The following RTN4RL1 variants were observed in gnomAD, a reference collection of about 807,000 sequenced individuals.
RTN4RL1 encodes the protein reticulon 4 receptor like 1.
RTN4RL1 carries 7 observed loss-of-function variants against 25.6 expected under a neutral mutation model. The observed-to-expected ratio is 0.27, with a 90% CI of 0.16 to 0.51. The LOEUF (loss-of-function observed/expected upper bound fraction) is 0.51. Ranked by LOEUF, RTN4RL1 falls within the 20% of genes least tolerant of loss-of-function variation. RTN4RL1 has a pLI of 0.97. For synonymous variants in RTN4RL1, 297 were observed against 288.2 expected, an observed-to-expected ratio of 1.03 and a Z score of -0.31; for missense variants, 500 against 615.6, an observed-to-expected ratio of 0.81 and a Z score of 1.99.
intron 1 of RTN4RL1, among the ~76,000 whole-genome samples, chr17:1,949,510 G>T (rs1341710748): frequency 6.6e-6 from 1 of 152,188 alleles, no homozygotes; most frequent in East Asian, 1.9e-4. Flanking sequence ...GCCCTGCCAG[G>T]GTCCTTGTTC....
intron 1 of RTN4RL1, among the ~76,000 whole-genome samples, chr17:2,007,787 T>C (rs1240821481): frequency 1.3e-5 from 2 of 149,678 alleles, no homozygotes; most frequent in African/African-American, 4.9e-5. Context: ...CTACTAAAAA[T>C]ACAAAAGAAT....
At chr17:1,997,619 C>A (rs1381418570) in intron 1 of RTN4RL1, among the ~76,000 whole-genome samples, 1 of 152,326 alleles carries the variant, frequency 6.6e-6, no homozygotes, top group East Asian at 1.9e-4. Context: ...ATTCCCCAGG[C>A]AATGCCCAGG....
At chr17:1,985,916 A>G (rs887470073) in intron 1 of RTN4RL1, among the ~76,000 whole-genome samples, 9 of 152,100 alleles carry the variant, frequency 5.9e-5, no homozygotes, top group African/African-American at 2.2e-4. Context: ...GATTGGCAGG[A>G]GACCTCCTCA....
chr17:2,019,848 A>G (rs3803805), intron 1 of RTN4RL1: 120,618 of 152,262 alleles, frequency 0.79, 47,915 homozygotes, highest in East Asian at 0.88. Flanking sequence ...ATTGTTTCCC[A>G]TGCTGGCATG....
At chr17:1,962,917 T>C (rs1452896796) in intron 1 of RTN4RL1, among the ~76,000 whole-genome samples, 2 of 149,098 alleles carry the variant, frequency 1.3e-5, no homozygotes, top group Non-Finnish European at 3.0e-5. Flanking sequence ...ATGAAGTATA[T>C]TACAGATCAT....
At chr17:1,972,130 C>G (rs1296281500) in intron 1 of RTN4RL1, among the ~76,000 whole-genome samples, 2 of 150,616 alleles carry the variant, frequency 1.3e-5, no homozygotes, top group Non-Finnish European at 3.0e-5. Context: ...GAGCAAGATG[C>G]TGTCTCAAAA....
chr17:2,012,797 C>CTT lies in RTN4RL1; in HGVS notation c.13+12054_13+12055dup, dbSNP rs5818845. 9.0e-3 allele frequency among the ~76,000 whole-genome samples: 1,319 copies of CTT among 146,296 alleles called. 50 individuals carry two copies. The highest frequency in any genetic ancestry group is 0.062 in the Admixed American group (903 of 14,676). ...TATGTGCTATGTTCTTCTTCTTCTTCTTTTTTTTTTTTCTGAGTTGGAGTC... is the reference window on the plus strand; with the variant it reads ...TATGTGCTATGTTCTTCTTCTTCTTCTTTTTTTTTTTTTTCTGAGTTGGAGTC... On this transcript the variant is annotated intron_variant, in intron 1 of 1. Coordinates refer to ENST00000331238, the MANE Select transcript of RTN4RL1 (RefSeq NM_178568.4).
At chr17:2,014,559 C>T (rs190397186) in intron 1 of RTN4RL1, among the ~76,000 whole-genome samples, 183 of 152,290 alleles carry the variant, frequency 1.2e-3, no homozygotes, top group African/African-American at 3.8e-3. Flanking sequence ...AGGCTGGGCA[C>T]GGTGGCTCAT....
chr17:1,963,943 T>A (rs1167993067), intron 1 of RTN4RL1, among the ~76,000 whole-genome samples: 1 of 152,130 alleles, frequency 6.6e-6, no homozygotes, highest in East Asian at 1.9e-4. Context: ...GTCAGGCTGG[T>A]CTCAGACTCC....
chr17:1,947,572 T>G (rs1915582830), intron 1 of RTN4RL1, among the ~76,000 whole-genome samples: 1 of 152,206 alleles, frequency 6.6e-6, no homozygotes, highest in Non-Finnish European at 1.5e-5. Flanking sequence ...AGCTGAGAAG[T>G]GGGCGGCCCC....
At chr17:1,948,960 T>G (rs1249315796) in intron 1 of RTN4RL1, among the ~76,000 whole-genome samples, 1 of 150,532 alleles carries the variant, frequency 6.6e-6, no homozygotes, top group Non-Finnish European at 1.5e-5. Context: ...GCCTGGCTAA[T>G]TTTTGTTTTT....
intron 1 of RTN4RL1, among the ~76,000 whole-genome samples, chr17:2,001,055 T>TA (rs11268522): frequency 4.9e-3 from 78 of 15,996 alleles, no homozygotes; most frequent in African/African-American, 0.016. Context: ...TTTCATTTAC[T>TA]TTTTTTTTTT....
chr17:1,967,888 G>A (rs1232970124), intron 1 of RTN4RL1, among the ~76,000 whole-genome samples: 2 of 152,072 alleles, frequency 1.3e-5, no homozygotes, highest in Admixed American at 6.5e-5. Flanking sequence ...TGATCCACTC[G>A]CCTCAGCCTC....
chr17:2,019,159 CCTCT>C (rs1259087261), intron 1 of RTN4RL1: 1 of 152,250 alleles, frequency 6.6e-6, no homozygotes, highest in South Asian at 2.1e-4. Flanking sequence ...CTTCCCAACT[CCTCT>C]CTCTGTCTCA....
chr17:1,975,955 C>G (rs533961129), intron 1 of RTN4RL1, among the ~76,000 whole-genome samples: 1 of 152,146 alleles, frequency 6.6e-6, no homozygotes, highest in Non-Finnish European at 1.5e-5. Context: ...ACTTGGGAGC[C>G]GTGAGAAACG....
chr17:1,936,943 C>T lies in RTN4RL1; in HGVS notation c.879G>A (p.Leu293=). The change falls in exon 2 of 2, where the codon CTG becomes CTA. Residue 293 remains leucine (L), a synonymous_variant. Transcript: ENST00000331238. ...VSPGLRHGQD[L]KLLRAEDFRN... is the part of the protein sequence containing the mutation. ...GGAAGTCCTCGGCCCTCAGCAGCTT[C>T]AGGTCCTGGCCGTGCCGCAGCCCAG... is the stretch of plus-strand genomic sequence containing the variant. The T allele has an allele frequency of 6.2e-7, 1 of 1,609,732 alleles. No individual in the cohort carries two copies. Among genetic ancestry groups the T allele is most frequent in the South Asian group, 1.1e-5 (1 of 90,622 alleles).
At chr17:1,963,819 C>T (rs1286524606) in intron 1 of RTN4RL1, among the ~76,000 whole-genome samples, 1 of 152,170 alleles carries the variant, frequency 6.6e-6, no homozygotes, top group Non-Finnish European at 1.5e-5. Context: ...GCAACCTCCA[C>T]TTCACGGGTT....
rs192485041 is a variant in RTN4RL1, at chr17:1,998,886, A to C, written c.13+25967T>G. 6.6e-6 allele frequency among the ~76,000 whole-genome samples: 1 copy of C among 151,376 alleles called. No individual in the cohort carries two copies. The highest frequency in any genetic ancestry group is 1.5e-5 in the Non-Finnish European group (1 of 67,958). On this transcript the variant is annotated intron_variant, in intron 1 of 1. Transcript: ENST00000331238. This position sits in a 1 kb window ranked among gnomAD's most constrained non-coding sequence, Gnocchi z 4.9. The stretch of plus-strand genomic sequence containing the variant: ...CGACCCCGGAGCCCCTTTATTCTCT[A>C]CGCGCTCATCCCACGCGCAGAACAG...
intron 1 of RTN4RL1, among the ~76,000 whole-genome samples, chr17:1,975,056 C>A (rs1940010490): frequency 6.6e-6 from 1 of 152,206 alleles, no homozygotes; most frequent in East Asian, 1.9e-4. Flanking sequence ...GTGTTGGCAC[C>A]TGCGGCACCC....
Sources: allele counts gnomAD v4.1 joint callset (sites outside exome capture counted in the v4.1 genomes callset), GRCh38; gene constraint gnomAD v4.1.1; non-coding constraint Gnocchi (gnomAD v3.1); transcripts MANE v1.5; gene names NCBI Gene and HGNC (gene_info 2026-07-23, HGNC 2026-07-21).